MTERF1: variants seen among roughly 807,000 people sequenced by gnomAD.
MTERF1 encodes mitochondrial transcription termination factor 1.
MTERF1 carries 29 observed loss-of-function variants against 31.6 expected under a neutral mutation model. The ratio of observed to expected loss-of-function variants is 0.92; its 90% CI spans 0.68 to 1.25. The LOEUF (loss-of-function observed/expected upper bound fraction) is 1.25. MTERF1 is among the 50% of genes most tolerant of loss of function. MTERF1 has a pLI of 0.00. For synonymous variants in MTERF1, 152 were observed against 164.1 expected (o/e 0.93, Z 0.57); for missense variants, 500 against 469.1 (o/e 1.07, Z -0.61).
At position 91,880,074 on chromosome 7, in the gene MTERF1, G is replaced by T; in HGVS notation, c.10C>A (p.Leu4Ile). ...TCTCACCTTGTTTGTCCTAAGGAAA[G>T]GCTCTGCATCCCTCCAGAAAGGCTG... Reference protein sequence around the residue: MQSLSLGQTSISKG... With the variant: MQSISLGQTSISKG... Residue 4 changes from leucine to isoleucine, a missense_variant, in exon 2 of 3, where the codon CTT becomes ATT. By Grantham distance (5) the Leu-to-Ile change is conservative. Coordinates refer to ENST00000351870, the MANE Select transcript of MTERF1 (RefSeq NM_006980.5). The T allele has an allele frequency of 6.2e-7, 1 of 1,614,024 alleles. No homozygotes were observed. The highest frequency in any genetic ancestry group is 8.5e-7 in the Non-Finnish European group (1 of 1,180,018).
Position 91,874,732 on chromosome 7 carries a change from A to G in MTERF1, c.62T>C (p.Met21Thr). The change falls in exon 3 of 3, where the codon ATG (methionine) becomes ACG (threonine). Residue 21 changes from methionine to threonine, a missense_variant. Met to Thr is a moderately conservative substitution (Grantham distance 81, BLOSUM62 -1). Coordinates refer to ENST00000351870, the MANE Select transcript of MTERF1 (RefSeq NM_006980.5). ...ISKGLNYLTI[M>T]APGNLWHMRN... is the part of the protein sequence containing the mutation. ...CATATGCCAGAGGTTTCCTGGTGCC[A>G]TAATGGTTAGGTAGTTCAAACCTTT... The G allele has an allele frequency of 6.2e-7, 1 of 1,613,108 alleles. No homozygotes were observed. Among genetic ancestry groups the G allele is most frequent in the Non-Finnish European group, 8.5e-7 (1 of 1,179,570 alleles).
rs962329404 is a variant in MTERF1, at chr7:91,872,697, G to C, written c.*897C>G. ...CACATCTAGAAAACAAATGCCTCTGGAAAACAATTAAAATTAAGGTCATAT... is the reference window on the plus strand; with the variant it reads ...CACATCTAGAAAACAAATGCCTCTGCAAAACAATTAAAATTAAGGTCATAT... On this transcript the variant is annotated 3_prime_UTR_variant, in exon 3 of 3. Transcript: ENST00000351870. 1 of 152,106 alleles carries C rather than the reference G, an allele frequency of 6.6e-6. No homozygotes were observed. The highest frequency in any genetic ancestry group is 2.4e-5 in the African/African-American group (1 of 41,416). 9.4% of individuals were successfully genotyped at this position (152,106 alleles called of 1,614,324 possible).
rs748295316 is a variant in MTERF1 at position 91,871,884 on chromosome 7, T to C, written c.*1710A>G. Reference sequence around the variant, plus strand: ...AGAGGTGGGGCCTTTAAGAGGTGACTGGATCATAAGGGCTATGTCATCAGA... The same window carrying C: ...AGAGGTGGGGCCTTTAAGAGGTGACCGGATCATAAGGGCTATGTCATCAGA... On this transcript the variant is annotated 3_prime_UTR_variant, in exon 3 of 3. Transcript: ENST00000351870. The C allele has an allele frequency of 5.2e-5, 8 of 152,382 alleles. No homozygotes were observed. Among genetic ancestry groups the C allele is most frequent in the Non-Finnish European group, 1.2e-4 (8 of 68,062 alleles). 9.4% of individuals were successfully genotyped at this position (152,382 alleles called of 1,614,324 possible). A position where few individuals can be genotyped will look rare whatever the true frequency, so the allele number is the denominator to read the frequency against.
chr7:91,877,449 A>G (rs1453780944), intron 2 of MTERF1, among the ~76,000 whole-genome samples: 1 of 152,214 alleles, frequency 6.6e-6, no homozygotes, highest in Admixed American at 6.5e-5. Context: ...AAACTTGAGT[A>G]TCTTTCCCAG....
rs1217342611 is a variant in MTERF1, at chr7:91,872,950, A to G, written c.*644T>C. The G allele has an allele frequency of 1.3e-5, 2 of 152,200 alleles. No homozygotes were observed. The highest frequency in any genetic ancestry group is 2.4e-5 in the African/African-American group (1 of 41,456). The allele number at this position is 152,200 out of a possible 1,614,324, so 9.4% of individuals were successfully genotyped here. On this transcript the variant is annotated 3_prime_UTR_variant, in exon 3 of 3. Transcript: ENST00000351870. Reference sequence around the variant, plus strand: ...TTCACATTTAGTTTTTTATGCACACATTTAAGACTTTATAAACACTAACAT... The same window carrying G: ...TTCACATTTAGTTTTTTATGCACACGTTTAAGACTTTATAAACACTAACAT...
intron 2 of MTERF1, among the ~76,000 whole-genome samples, chr7:91,879,575 A>G (rs1326361042): frequency 6.6e-6 from 1 of 152,226 alleles, no homozygotes; most frequent in Non-Finnish European, 1.5e-5. Context: ...ACAATGGAAA[A>G]TACAAATTAT....
At chr7:91,876,408 G>C (rs1245715239) in intron 2 of MTERF1, among the ~76,000 whole-genome samples, 1 of 152,134 alleles carries the variant, frequency 6.6e-6, no homozygotes, top group Non-Finnish European at 1.5e-5. Flanking sequence ...ACTTAGAAAA[G>C]GCATTTCTTT....
intron 2 of MTERF1, among the ~76,000 whole-genome samples, chr7:91,877,596 A>C (rs1789377906): frequency 1.3e-5 from 2 of 152,158 alleles, no homozygotes; most frequent in South Asian, 4.1e-4. Context: ...ACGTAGACTC[A>C]ACTTCTTTGG....
chr7:91,874,451 C>G lies in MTERF1; in HGVS notation c.343G>C (p.Gly115Arg), dbSNP rs376287331. The G allele has an allele frequency of 3.7e-6, 6 of 1,613,898 alleles. No homozygotes were observed. The African/African-American group carries it at 8.0e-5, about 22-fold the overall frequency. The change falls in exon 3 of 3, where the codon GGA becomes CGA. Residue 115 changes from glycine to arginine, a missense_variant. Transcript: ENST00000351870. The stretch of plus-strand genomic sequence containing the variant: ...CTAGCGATCACTTCTTTGCTAGCTC[C>G]TTTGGAAAGAAGGAACATCTTCAGG... ...QDLKMFLLSK[G>R]ASKEVIASII...
At chr7:91,878,001 GTTCT>G (rs887648737) in intron 2 of MTERF1, among the ~76,000 whole-genome samples, 2 of 152,054 alleles carry the variant, frequency 1.3e-5, no homozygotes, top group African/African-American at 2.4e-5. Flanking sequence ...TGCTTAAGCT[GTTCT>G]TTCTTTTAGA....
At position 91,874,183 on chromosome 7, in the gene MTERF1, A is replaced by G. The variant is rs1016810433; in HGVS notation, c.611T>C (p.Phe204Ser). The G allele has an allele frequency of 6.2e-7, 1 of 1,614,008 alleles. No homozygotes were observed. The highest frequency in any genetic ancestry group is 1.3e-5 in the African/African-American group (1 of 74,906). The change falls in exon 3 of 3, where the codon TTC (phenylalanine) becomes TCC (serine). Residue 204 changes from phenylalanine (F) to serine (S), a missense_variant. Physicochemically the swap from Phe to Ser is radical, Grantham distance 155. Transcript: ENST00000351870. The part of the protein sequence containing the change: ...CRLLTNAPRT[F>S]SNSLDLNKQM... ...TTTATTCAGATCAAGACTATTGGAG[A>G]AGGTACGAGGGGCATTGGTCAACAA...
At chr7:91,877,702 T>C (rs991633470) in intron 2 of MTERF1, among the ~76,000 whole-genome samples, 1 of 152,302 alleles carries the variant, frequency 6.6e-6, no homozygotes, top group East Asian at 1.9e-4. Flanking sequence ...CCACCTGATG[T>C]GCTTCTCTGA....
chr7:91,875,753 T>G (rs559685153), intron 2 of MTERF1, among the ~76,000 whole-genome samples: 5 of 152,356 alleles, frequency 3.3e-5, no homozygotes, highest in African/African-American at 9.6e-5. Context: ...TGCTACCCTT[T>G]ATATCCATGC....
intron 2 of MTERF1, 30 bp from the exon 3 acceptor site, chr7:91,874,794 C>G: frequency 6.8e-7 from 1 of 1,478,206 alleles, no homozygotes; most frequent in Non-Finnish European, 9.2e-7. Context: ...AAATATTACA[C>G]AAATGCATGT....
Position 91,874,224 on chromosome 7 carries a change from A to C in MTERF1, c.570T>G (p.Arg190=). The change falls in exon 3 of 3, where the codon CGT becomes CGG. Residue 190 remains arginine, a synonymous_variant. Coordinates refer to ENST00000351870, the MANE Select transcript of MTERF1 (RefSeq NM_006980.5). ...IKFLYSVGLT[R]KCLCRLLTNA... is the part of the protein sequence containing the mutation. ...TGGTCAACAATCGACAAAGGCATTT[A>C]CGGGTCAATCCAACTGAGTAGAGGA... is the stretch of plus-strand genomic sequence containing the variant. 1 of 1,614,206 alleles carries C rather than the reference A, an allele frequency of 6.2e-7. No individual in the cohort carries two copies. The highest frequency in any genetic ancestry group is 8.5e-7 in the Non-Finnish European group (1 of 1,180,036).
chr7:91,872,393 A>G lies in MTERF1; in HGVS notation c.*1201T>C, dbSNP rs1789199902. 1 of 152,202 alleles carries G rather than the reference A, an allele frequency of 6.6e-6. No individual in the cohort carries two copies. Among genetic ancestry groups the G allele is most frequent in the Non-Finnish European group, 1.5e-5 (1 of 68,022 alleles). The allele number at this position is 152,202 out of a possible 1,614,324, so 9.4% of individuals were successfully genotyped here. A position where few individuals can be genotyped will look rare whatever the true frequency, so the allele number is the denominator to read the frequency against. The stretch of plus-strand genomic sequence containing the variant: ...GGAAGGTCAATTTCTGGTGTTACAG[A>G]TGAGAAAAACAGGTTTAGTAAATTT... On this transcript the variant is annotated 3_prime_UTR_variant, in exon 3 of 3. Coordinates refer to ENST00000351870, the MANE Select transcript of MTERF1 (RefSeq NM_006980.5).
In MTERF1 at chr7:91,873,413, T is replaced by C. The variant is rs1789233040; in HGVS notation, c.*181A>G. 1.7e-6 allele frequency: 1 copy of C among 591,662 alleles called. No individual in the cohort carries two copies. Among genetic ancestry groups the C allele is most frequent in the Non-Finnish European group, 2.9e-6 (1 of 346,584 alleles). The allele number at this position is 591,662 out of a possible 1,614,324, so 36.7% of individuals were successfully genotyped here. On this transcript the variant is annotated 3_prime_UTR_variant, in exon 3 of 3. Transcript: ENST00000351870. ...TACAGGATCACTCTGACCTCCTCTT[T>C]TGCCTCCCTCTTCAACTTTTAAAGA...
rs17849384 is a variant in MTERF1 at position 91,874,533 on chromosome 7, G to A, written c.261C>T (p.Asp87=). 2.7e-3 allele frequency: 4,341 copies of A among 1,614,042 alleles called. 109 individuals are homozygous for A. In the African/African-American group the frequency reaches 0.048, roughly 18 times the overall value. ...KNLLTMGVDI[D]MARKRQPGVF... ...CTCCAGGCTGTCGTTTCCTTGCCAT[G>A]TCAATATCTACTCCCATAGTAAGTA... Residue 87 remains aspartate, a synonymous_variant, in exon 3 of 3, where the codon GAC becomes GAT. Coordinates refer to ENST00000351870, the MANE Select transcript of MTERF1 (RefSeq NM_006980.5).
Position 91,874,563 on chromosome 7 carries a change from T to G in MTERF1, c.231A>C (p.Lys77Asn). Residue 77 changes from lysine (K) to asparagine (N), a missense_variant, in exon 3 of 3, where the codon AAA becomes AAC. Coordinates refer to ENST00000351870, the MANE Select transcript of MTERF1 (RefSeq NM_006980.5). ...SEPLKNEDLL[K>N]NLLTMGVDID... The stretch of plus-strand genomic sequence containing the variant: ...TATCTACTCCCATAGTAAGTAAGTT[T>G]TTCAGTAGGTCCTCATTTTTCAAAG... 1 of 1,614,150 alleles carries G rather than the reference T, an allele frequency of 6.2e-7. No individual in the cohort carries two copies. The highest frequency in any genetic ancestry group is 8.5e-7 in the Non-Finnish European group (1 of 1,180,018).
Sources: allele counts gnomAD v4.1 joint callset (sites outside exome capture counted in the v4.1 genomes callset), GRCh38; gene constraint gnomAD v4.1.1; transcripts MANE v1.5; gene names NCBI Gene and HGNC (gene_info 2026-07-23, HGNC 2026-07-21).